Variants in LYG1 observed in about 807,000 individuals in gnomAD.
The protein encoded by LYG1 is lysozyme g-like protein 1.
LYG1 carries 17 observed loss-of-function variants against 21.7 expected under a neutral mutation model. The observed-to-expected ratio is 0.78, with a 90% CI of 0.54 to 1.18. LYG1 has a LOEUF of 1.18. Ranked by LOEUF, LYG1 falls within the 50% of genes most tolerant of loss-of-function variation. The probability of loss-of-function intolerance (pLI) is 0.00; values close to 1 mark genes in which losing one functional copy is unlikely to be tolerated. For synonymous variants in LYG1, 81 were observed against 87.4 expected (o/e 0.93, Z 0.41); for missense variants, 211 against 238.1 (o/e 0.89, Z 0.75).
chr2:99,286,844 G>C (rs1470783973), intron 5 of LYG1, among the ~76,000 whole-genome samples: 3 of 152,198 alleles, frequency 2.0e-5, no homozygotes, highest in Non-Finnish European at 4.4e-5. Flanking sequence ...ATTCCCAATA[G>C]CCAAGAGGTA....
Position 99,284,654 on chromosome 2 carries a change from G to A in LYG1, c.466+34C>T, listed in dbSNP as rs763111683. The A allele has an allele frequency of 1.9e-6, 3 of 1,607,784 alleles. No individual in the cohort carries two copies. The East Asian group carries it at 6.7e-5, about 36-fold the overall frequency. On this transcript the variant is annotated intron_variant, in intron 6 of 6. Transcript: ENST00000308528. ...TTATATTTGTCCCTATTAATTCTGT[G>A]CTTGAGACAACTGACTGATAGCGTT...
At chr2:99,298,050 C>T (rs1234734777) in intron 2 of LYG1, among the ~76,000 whole-genome samples, 3 of 152,154 alleles carry the variant, frequency 2.0e-5, no homozygotes, top group African/African-American at 7.2e-5. Flanking sequence ...GTCATTTTGT[C>T]CATAAATACA....
intron 1 of LYG1, among the ~76,000 whole-genome samples, chr2:99,299,648 C>T (rs2094148332): frequency 6.6e-6 from 1 of 151,976 alleles, no homozygotes; most frequent in Non-Finnish European, 1.5e-5. Context: ...TGGTCTCAAA[C>T]TCCAGGGCTC....
At chr2:99,290,763 A>T (rs1224363028) in intron 5 of LYG1, among the ~76,000 whole-genome samples, 1 of 152,244 alleles carries the variant, frequency 6.6e-6, no homozygotes, top group African/African-American at 2.4e-5. Context: ...AATTGTATAG[A>T]AAAAGGTAAA....
At chr2:99,295,227 C>T (rs370187902) in intron 3 of LYG1, among the ~76,000 whole-genome samples, 22 of 152,350 alleles carry the variant, frequency 1.4e-4, no homozygotes, top group African/African-American at 4.6e-4. Flanking sequence ...CATGTGTACT[C>T]GGTTGCCTTG....
chr2:99,297,778 G>C lies in LYG1; in HGVS notation c.-33+681C>G, dbSNP rs147531635. ...CACCCAGGCTGGAGTGCAATGGCACGATCACGGCTCACTGCAGCCTTGACC... is the reference window on the plus strand; with the variant it reads ...CACCCAGGCTGGAGTGCAATGGCACCATCACGGCTCACTGCAGCCTTGACC... On this transcript the variant is annotated intron_variant, in intron 2 of 6. Transcript: ENST00000308528. Among the ~76,000 whole-genome samples the C allele has an allele frequency of 2.9e-3, 440 of 152,244 alleles. 2 individuals carry two copies. Among genetic ancestry groups the C allele is most frequent in the African/African-American group, 9.9e-3 (413 of 41,528 alleles).
chr2:99,285,506 A>G (rs2094096618), intron 5 of LYG1, among the ~76,000 whole-genome samples: 1 of 152,180 alleles, frequency 6.6e-6, no homozygotes, highest in South Asian at 2.1e-4. Flanking sequence ...GTAAGAGTGA[A>G]AAAAAAGCAC....
chr2:99,300,038 G>A (rs2094149779), intron 1 of LYG1, among the ~76,000 whole-genome samples: 1 of 151,250 alleles, frequency 6.6e-6, no homozygotes, highest in African/African-American at 2.4e-5. Context: ...TAGCAATGTA[G>A]TCACAAATAT....
At chr2:99,297,633 A>G (rs543166452) in intron 2 of LYG1, among the ~76,000 whole-genome samples, 1 of 152,342 alleles carries the variant, frequency 6.6e-6, no homozygotes, top group East Asian at 1.9e-4. Context: ...ACACAGAATT[A>G]CTTTCTAGTT....
At chr2:99,289,257 C>T (rs1404497480) in intron 5 of LYG1, among the ~76,000 whole-genome samples, 6 of 152,028 alleles carry the variant, frequency 3.9e-5, no homozygotes, top group South Asian at 4.2e-4. Context: ...TCCAGGAGTT[C>T]GAGACCAGCC....
chr2:99,284,922 C>T, intron 5 of LYG1, 102 bp from the exon 6 acceptor site: 2 of 1,450,922 alleles, frequency 1.4e-6, no homozygotes, highest in Non-Finnish European at 1.9e-6. Context: ...CTCTTGTTCT[C>T]CTTTCACCTT....
chr2:99,292,703 G>T (rs550800181), intron 3 of LYG1, 63 bp from the exon 4 acceptor site: 2 of 1,011,484 alleles, frequency 2.0e-6, no homozygotes, highest in Non-Finnish European at 3.1e-6. Flanking sequence ...TTCTGTCCAT[G>T]AATAAAATTA....
upstream of LYG1, among the ~76,000 whole-genome samples, chr2:99,304,259 A>T (rs767181466): frequency 1.3e-5 from 2 of 151,954 alleles, no homozygotes; most frequent in Non-Finnish European, 2.9e-5. Context: ...TACTGTTCTC[A>T]TGGTAGTGTA....
Position 99,291,226 on chromosome 2 carries a change from T to A in LYG1, c.333+11A>T. ...CAGAATGGCCACATGTGTCAACGGATGAAGAGTTACCTGCACCATGCTAGT... is the reference window on the plus strand; with the variant it reads ...CAGAATGGCCACATGTGTCAACGGAAGAAGAGTTACCTGCACCATGCTAGT... On this transcript the variant is annotated intron_variant, in intron 5 of 6. Coordinates refer to ENST00000308528, the MANE Select transcript of LYG1 (RefSeq NM_174898.3). 6.2e-7 allele frequency: 1 copy of A among 1,612,014 alleles called. No homozygotes were observed.
upstream of LYG1, among the ~76,000 whole-genome samples, chr2:99,302,872 T>G (rs2105306921): frequency 6.6e-6 from 1 of 151,828 alleles, no homozygotes; most frequent in Non-Finnish European, 1.5e-5. Flanking sequence ...ACAAAAATTA[T>G]CCAGGCATGG....
chr2:99,293,098 T>C (rs1005310813), intron 3 of LYG1, among the ~76,000 whole-genome samples: 2 of 151,548 alleles, frequency 1.3e-5, no homozygotes, highest in African/African-American at 4.9e-5. Flanking sequence ...TTCAAGTGAT[T>C]CTCCTGCTTC....
upstream of LYG1, among the ~76,000 whole-genome samples, chr2:99,303,409 A>G (rs2094159719): frequency 1.3e-5 from 2 of 152,106 alleles, no homozygotes; most frequent in Non-Finnish European, 2.9e-5. Flanking sequence ...CCTGGGCAGC[A>G]GCCAGCATGT....
intron 5 of LYG1, among the ~76,000 whole-genome samples, chr2:99,290,642 G>A (rs529412311): frequency 6.6e-6 from 1 of 152,292 alleles, no homozygotes; most frequent in East Asian, 1.9e-4. Context: ...TGATTCCCTG[G>A]CGCAGAGTTA....
intron 2 of LYG1, 41 bp from the exon 3 acceptor site, chr2:99,295,743 G>A: frequency 6.4e-7 from 1 of 1,567,150 alleles, no homozygotes; most frequent in Non-Finnish European, 8.8e-7. Context: ...AAAAATATCA[G>A]TCATCATCAT....
Sources: gnomAD v4.1 joint callset for allele counts (sites outside exome capture counted in the v4.1 genomes callset) on GRCh38, gnomAD v4.1.1 for gene constraint, MANE v1.5 for transcripts, NCBI Gene and HGNC (gene_info 2026-07-23, HGNC 2026-07-21) for gene names.